The following RPTOR variants were observed in gnomAD, a reference collection of about 807,000 sequenced individuals.
RPTOR encodes the protein regulatory-associated protein of mTOR.
A neutral mutation model predicts 169.9 loss-of-function variants in RPTOR; 21 were observed. That is an observed-to-expected ratio of 0.12 (90% CI 0.09 to 0.18). The LOEUF (loss-of-function observed/expected upper bound fraction) is 0.18, where lower values mean the gene tolerates loss of function less well. Among genes scored for constraint, RPTOR ranks in the 10% least tolerant of loss-of-function variants. The pLI is 1.00. For missense variants in RPTOR, 1,133 were observed against 1,855.9 expected, an observed-to-expected ratio of 0.61 and a Z score of 7.16; for synonymous variants, 732 against 753.2, an observed-to-expected ratio of 0.97 and a Z score of 0.46.
At chr17:80,597,459 A>G (rs2143432654) in intron 1 of RPTOR, among the ~76,000 whole-genome samples, 1 of 152,238 alleles carries the variant, frequency 6.6e-6, no homozygotes, top group Non-Finnish European at 1.5e-5. Context: ...TTATATTGTA[A>G]AGGCAATGGG....
At chr17:80,657,017 C>A (rs1227412890) in intron 3 of RPTOR, among the ~76,000 whole-genome samples, 1 of 152,206 alleles carries the variant, frequency 6.6e-6, no homozygotes, top group Non-Finnish European at 1.5e-5. Context: ...GCATTTTAAT[C>A]CAATTTCTCA....
At position 80,965,519 on chromosome 17, in the gene RPTOR, G is replaced by A. The variant is rs558272767; in HGVS notation, c.*1189G>A. On this transcript the variant is annotated 3_prime_UTR_variant, in exon 34 of 34. Transcript: ENST00000306801. ...CAAACAGAACACAACCACAATGATG[G>A]TATTTTGAAAAGTGTTCTTTCCGTG... 5 of 233,250 alleles carry A rather than the reference G, an allele frequency of 2.1e-5. No homozygotes were observed. The East Asian group carries it at 2.4e-4, about 11-fold the overall frequency. The allele number at this position is 233,250 out of a possible 1,614,324, so 14.4% of individuals were successfully genotyped here. A position where few individuals can be genotyped will look rare whatever the true frequency, so the allele number is the denominator to read the frequency against.
intron 6 of RPTOR, among the ~76,000 whole-genome samples, chr17:80,770,796 A>T (rs370077388): frequency 7.2e-5 from 11 of 152,160 alleles, no homozygotes; most frequent in African/African-American, 2.2e-4. Context: ...AAATGTTTGT[A>T]CTCAAATTTC....
chr17:80,792,550 G>A (rs548375381), intron 7 of RPTOR, among the ~76,000 whole-genome samples: 3 of 152,210 alleles, frequency 2.0e-5, no homozygotes, highest in Non-Finnish European at 4.4e-5. Context: ...TAAGTGAGCA[G>A]TCCTCAGCAT....
chr17:80,824,913 A>G lies in RPTOR; in HGVS notation c.1136+1690A>G, dbSNP rs149456133. On this transcript the variant is annotated intron_variant, in intron 9 of 33. Coordinates refer to ENST00000306801, the MANE Select transcript of RPTOR (RefSeq NM_020761.3). Reference sequence around the variant, plus strand: ...CCAGGAGGGATGAGCAGGCGAGGACAGGTGCAGGGAGGGGCATGTGGCAAG... The same window carrying G: ...CCAGGAGGGATGAGCAGGCGAGGACGGGTGCAGGGAGGGGCATGTGGCAAG... 9.4e-3 allele frequency among the ~76,000 whole-genome samples: 1,434 copies of G among 152,352 alleles called. 20 individuals carry two copies. Among genetic ancestry groups the G allele is most frequent in the Non-Finnish European group, 0.011 (762 of 68,028 alleles).
At chr17:80,857,926 G>A (rs1407006348) in intron 13 of RPTOR, 26 bp downstream of exon 13, 2 of 1,571,512 alleles carry the variant, frequency 1.3e-6, no homozygotes, top group East Asian at 2.2e-5. Flanking sequence ...CTCCTCCCCA[G>A]AGTGATGTGA....
intron 7 of RPTOR, among the ~76,000 whole-genome samples, chr17:80,815,903 CCA>C (rs1268257207): frequency 1.3e-5 from 2 of 149,006 alleles, no homozygotes; most frequent in Non-Finnish European, 3.0e-5. Context: ...GAGGTGGCTT[CCA>C]CGTGCCCCGT....
chr17:80,909,007 T>C (rs1347419485), intron 21 of RPTOR, 78 bp downstream of exon 21: 1 of 945,854 alleles, frequency 1.1e-6, no homozygotes, highest in Non-Finnish European at 1.7e-6. Context: ...ACTCCAGGTG[T>C]GCCCGGGTCC....
chr17:80,644,566 T>G (rs2065579180), intron 3 of RPTOR, among the ~76,000 whole-genome samples: 1 of 152,114 alleles, frequency 6.6e-6, no homozygotes, highest in African/African-American at 2.4e-5. Flanking sequence ...CTAAAGGAAA[T>G]AATGAAGAAT....
At chr17:80,924,648 C>T (rs2068789566) in intron 23 of RPTOR, among the ~76,000 whole-genome samples, 1 of 151,788 alleles carries the variant, frequency 6.6e-6, no homozygotes, top group Non-Finnish European at 1.5e-5. Context: ...GCACGTGCAG[C>T]TCACCCACCC....
At chr17:80,838,599 C>T (rs2067592056) in intron 10 of RPTOR, among the ~76,000 whole-genome samples, 1 of 152,380 alleles carries the variant, frequency 6.6e-6, no homozygotes, top group South Asian at 2.1e-4. Flanking sequence ...GACGGAGGCC[C>T]TGCCCTCCAG....
intron 3 of RPTOR, among the ~76,000 whole-genome samples, chr17:80,681,885 C>T (rs1373719857): frequency 6.6e-6 from 1 of 151,656 alleles, no homozygotes; most frequent in East Asian, 1.9e-4. Flanking sequence ...TACAATCTCT[C>T]CTGTCATGAA....
chr17:80,791,259 C>T lies in RPTOR; in HGVS notation c.831-191C>T, dbSNP rs1041101737. Among the ~76,000 whole-genome samples, 22 of 152,162 alleles carry T rather than the reference C, an allele frequency of 1.4e-4. No individual in the cohort carries two copies. In the East Asian group the frequency reaches 3.7e-3, roughly 25 times the overall value. On this transcript the variant is annotated intron_variant, in intron 6 of 33. Coordinates refer to ENST00000306801, the MANE Select transcript of RPTOR (RefSeq NM_020761.3). ...TCACTGTGGCAGCTCTGTAGTCTCACGCCTTGACAGAATGGCAATGAGATT... is the reference window on the plus strand; with the variant it reads ...TCACTGTGGCAGCTCTGTAGTCTCATGCCTTGACAGAATGGCAATGAGATT...
At chr17:80,787,071 C>G (rs905638060) in intron 6 of RPTOR, among the ~76,000 whole-genome samples, 2 of 152,212 alleles carry the variant, frequency 1.3e-5, no homozygotes, top group African/African-American at 4.8e-5. Flanking sequence ...GCACCTGCCG[C>G]CCCCGCCCTG....
At chr17:80,569,977 C>T (rs372562874) in intron 1 of RPTOR, among the ~76,000 whole-genome samples, 5 of 152,146 alleles carry the variant, frequency 3.3e-5, no homozygotes, top group African/African-American at 9.7e-5. Context: ...ACCAGCAGCA[C>T]GCCCTGCCTT....
rs2069322578 is a variant in RPTOR at position 80,960,514 on chromosome 17, C to T, written c.3605+309C>T. Among the ~76,000 whole-genome samples, 1 of 152,354 alleles carries T rather than the reference C, an allele frequency of 6.6e-6. No individual in the cohort carries two copies. Among genetic ancestry groups the T allele is most frequent in the East Asian group, 1.9e-4 (1 of 5,194 alleles). The stretch of plus-strand genomic sequence containing the variant: ...CAGAGGCTGTCGGGGTGAGGCAGGG[C>T]CGCAGCCAGGCACCTGCCACCTCTG... On this transcript the variant is annotated intron_variant, in intron 30 of 33. Transcript: ENST00000306801. The surrounding 1 kb of genome is among the most constrained non-coding windows in gnomAD (Gnocchi z 4.8).
At chr17:80,561,288 T>TATATATATATA (rs2084490493) in intron 1 of RPTOR, among the ~76,000 whole-genome samples, 1 of 147,136 alleles carries the variant, frequency 6.8e-6, no homozygotes, top group African/African-American at 2.5e-5. Flanking sequence ...TATATATATA[T>TATATATATATA]TTAGTAGAGA....
intron 14 of RPTOR, among the ~76,000 whole-genome samples, chr17:80,883,026 AT>A (rs1314581794): frequency 6.6e-6 from 1 of 152,252 alleles, no homozygotes; most frequent in Non-Finnish European, 1.5e-5. Flanking sequence ...CGCTGCCTCC[AT>A]GCCTTTTGCT....
At chr17:80,712,097 A>G (rs901535704) in intron 4 of RPTOR, among the ~76,000 whole-genome samples, 2 of 152,164 alleles carry the variant, frequency 1.3e-5, no homozygotes, top group Admixed American at 1.3e-4. Context: ...TTAATTTTAC[A>G]GAAAAATTGA....
Sources: allele counts gnomAD v4.1 joint callset (sites outside exome capture counted in the v4.1 genomes callset), GRCh38; gene constraint gnomAD v4.1.1; non-coding constraint Gnocchi (gnomAD v3.1); transcripts MANE v1.5; gene names NCBI Gene and HGNC (gene_info 2026-07-23, HGNC 2026-07-21).